Variants in ERBB4 observed in about 807,000 individuals in gnomAD.
ERBB4 encodes the protein erb-b2 receptor tyrosine kinase 4.
ERBB4 carries 42 observed loss-of-function variants against 158.0 expected under a neutral mutation model. That is an observed-to-expected ratio of 0.27 (90% CI 0.21 to 0.34). The LOEUF is 0.34. Among genes scored for constraint, ERBB4 ranks in the 10% least tolerant of loss-of-function variants. The probability of loss-of-function intolerance (pLI) is 1.00; values close to 1 mark genes in which losing one functional copy is unlikely to be tolerated. For synonymous variants in ERBB4, 583 were observed against 558.7 expected (o/e 1.04, Z -0.61); for missense variants, 1,333 against 1,624.1 (o/e 0.82, Z 3.08).
At chr2:211,414,612 T>C (rs534744785) in intron 25 of ERBB4, among the ~76,000 whole-genome samples, 20 of 152,234 alleles carry the variant, frequency 1.3e-4, no homozygotes, top group African/African-American at 4.1e-4. Context: ...AGGTTAAAGC[T>C]TCATCGATTT....
chr2:212,198,996 C>G (rs566991806), intron 1 of ERBB4, among the ~76,000 whole-genome samples: 129 of 152,166 alleles, frequency 8.5e-4, no homozygotes, highest in African/African-American at 2.8e-3. Flanking sequence ...CTGTTCGAGT[C>G]TCCACTTTCA....
At chr2:212,200,919 C>G (rs946888420) in intron 1 of ERBB4, among the ~76,000 whole-genome samples, 1 of 152,076 alleles carries the variant, frequency 6.6e-6, no homozygotes, top group Admixed American at 6.6e-5. Context: ...ATTTATAAAC[C>G]TTGCCTGAGG....
chr2:211,920,669 G>T (rs1211741799), intron 3 of ERBB4, among the ~76,000 whole-genome samples: 2 of 150,356 alleles, frequency 1.3e-5, no homozygotes, highest in African/African-American at 2.4e-5. Context: ...AAAGCCAGTA[G>T]CTGATATTAA....
chr2:212,096,766 A>C (rs1216432327), intron 2 of ERBB4, among the ~76,000 whole-genome samples: 1 of 152,200 alleles, frequency 6.6e-6, no homozygotes, highest in African/African-American at 2.4e-5. Context: ...GCAGGATAAG[A>C]AAATGTGGGA....
rs75248984 is a variant in ERBB4 at position 211,426,262 on chromosome 2, A to G, written c.2720-1961T>C. Among the ~76,000 whole-genome samples, 9 of 152,326 alleles carry G rather than the reference A, an allele frequency of 5.9e-5. No individual in the cohort carries two copies. In the East Asian group the frequency reaches 1.7e-3, roughly 29 times the overall value. ...GCAAAAGAACAATGTCAGGAAAGCT[A>G]AAACAAAACATCCTCGAATTTTACT... On this transcript the variant is annotated intron_variant, in intron 22 of 27. Coordinates refer to ENST00000342788, the MANE Select transcript of ERBB4 (RefSeq NM_005235.3).
At chr2:212,454,191 G>A (rs917192380) in intron 1 of ERBB4, among the ~76,000 whole-genome samples, 4 of 152,016 alleles carry the variant, frequency 2.6e-5, no homozygotes, top group Admixed American at 6.6e-5. Context: ...TACCCGCCTC[G>A]GCCTCCCAAA....
At chr2:211,594,263 C>T (rs1037843819) in intron 19 of ERBB4, among the ~76,000 whole-genome samples, 1 of 151,962 alleles carries the variant, frequency 6.6e-6, no homozygotes, top group African/African-American at 2.4e-5. Flanking sequence ...ACGGTGAAAC[C>T]TCGTCTCTAC....
At chr2:211,898,801 G>A (rs538357969) in intron 3 of ERBB4, among the ~76,000 whole-genome samples, 17 of 152,210 alleles carry the variant, frequency 1.1e-4, no homozygotes, top group African/African-American at 3.6e-4. Flanking sequence ...GAAACCTCCT[G>A]TAGTCAGTCA....
intron 1 of ERBB4, among the ~76,000 whole-genome samples, chr2:212,143,705 G>A (rs978073289): frequency 4.6e-5 from 7 of 151,816 alleles, no homozygotes; most frequent in South Asian, 2.1e-4. Flanking sequence ...CTTCCTTTTC[G>A]CACTTTGTTC....
At chr2:211,845,606 A>G (rs1287233135) in intron 3 of ERBB4, among the ~76,000 whole-genome samples, 1 of 152,120 alleles carries the variant, frequency 6.6e-6, no homozygotes, top group Non-Finnish European at 1.5e-5. Flanking sequence ...CAAATTTAAG[A>G]AACATGTATT....
chr2:212,337,824 A>G (rs1294026144), intron 1 of ERBB4, among the ~76,000 whole-genome samples: 2 of 152,080 alleles, frequency 1.3e-5, no homozygotes, highest in Non-Finnish European at 2.9e-5. Flanking sequence ...GTTTTCAAAT[A>G]TGCTCCTAAT....
In ERBB4 at chr2:212,274,758, A is replaced by G. The variant is rs180773564; in HGVS notation, c.83-149855T>C. 8.6e-5 allele frequency among the ~76,000 whole-genome samples: 13 copies of G among 151,814 alleles called. No homozygotes were observed. In the East Asian group the frequency reaches 2.5e-3, roughly 30 times the overall value. On this transcript the variant is annotated intron_variant, in intron 1 of 27. Coordinates refer to ENST00000342788, the MANE Select transcript of ERBB4 (RefSeq NM_005235.3). Reference sequence around the variant, plus strand: ...ATCTACAATATTTTATGTATCTATGACATACTTAACTTTTTCTTAATTTTT... The same window carrying G: ...ATCTACAATATTTTATGTATCTATGGCATACTTAACTTTTTCTTAATTTTT...
chr2:212,340,732 T>C (rs924428048), intron 1 of ERBB4, among the ~76,000 whole-genome samples: 3 of 152,214 alleles, frequency 2.0e-5, no homozygotes, highest in South Asian at 4.1e-4. Flanking sequence ...GCTCACCCAC[T>C]GCTCACCTAC....
At chr2:211,726,977 G>T (rs528922192) in intron 5 of ERBB4, among the ~76,000 whole-genome samples, 2 of 152,212 alleles carry the variant, frequency 1.3e-5, no homozygotes, top group Non-Finnish European at 2.9e-5. Context: ...TCTTCACAAG[G>T]CATTTCTCCA....
chr2:211,885,832 T>C (rs926142375), intron 3 of ERBB4, among the ~76,000 whole-genome samples: 2 of 152,320 alleles, frequency 1.3e-5, no homozygotes, highest in Non-Finnish European at 2.9e-5. Flanking sequence ...AGTTTAAGAA[T>C]GTTTCTTAAT....
At chr2:212,016,954 C>T (rs1047871696) in intron 2 of ERBB4, among the ~76,000 whole-genome samples, 3 of 151,840 alleles carry the variant, frequency 2.0e-5, no homozygotes, top group Non-Finnish European at 2.9e-5. Context: ...TTATAAAGTG[C>T]CAGATGCATG....
chr2:211,632,921 A>C (rs1310868912), intron 16 of ERBB4, among the ~76,000 whole-genome samples: 1 of 152,112 alleles, frequency 6.6e-6, no homozygotes, highest in African/African-American at 2.4e-5. Flanking sequence ...TAAAGAACTA[A>C]AATTTCTGTA....
chr2:212,075,115 G>T (rs1391421805), intron 2 of ERBB4, among the ~76,000 whole-genome samples: 1 of 151,754 alleles, frequency 6.6e-6, no homozygotes, highest in Non-Finnish European at 1.5e-5. Flanking sequence ...AACAATTTAA[G>T]AAAGTTTTCT....
At chr2:211,570,214 C>T (rs1030067629) in intron 19 of ERBB4, among the ~76,000 whole-genome samples, 7 of 151,832 alleles carry the variant, frequency 4.6e-5, no homozygotes, top group Non-Finnish European at 7.4e-5. Context: ...TGCAGTGGTG[C>T]GATTTTGGCT....
Sources: allele counts gnomAD v4.1 joint callset (sites outside exome capture counted in the v4.1 genomes callset), GRCh38; gene constraint gnomAD v4.1.1; transcripts MANE v1.5; gene names NCBI Gene and HGNC (gene_info 2026-07-23, HGNC 2026-07-21).